Variants in ANO4 observed in about 807,000 individuals in gnomAD.
ANO4 encodes the protein anoctamin 4.
ANO4 carries 69 observed loss-of-function variants against 141.9 expected under a neutral mutation model. The ratio of observed to expected loss-of-function variants is 0.49; its 90% CI spans 0.40 to 0.59. The LOEUF (loss-of-function observed/expected upper bound fraction) is 0.59. Among genes scored for constraint, ANO4 ranks in the 20% least tolerant of loss-of-function variants. ANO4 has a pLI of 0.00. For missense variants in ANO4, 894 were observed against 1,162.2 expected (o/e 0.77, Z 3.36); for synonymous variants, 350 against 394.3 (o/e 0.89, Z 1.33).
intron 1 of ANO4, among the ~76,000 whole-genome samples, chr12:100,886,147 G>A (rs532512340): frequency 7.2e-5 from 11 of 151,924 alleles, no homozygotes; most frequent in South Asian, 2.1e-4. Context: ...TTCTATGACC[G>A]TTACCCTGAT....
chr12:100,872,242 C>CTTCCCT (rs1244904288), intron 1 of ANO4, among the ~76,000 whole-genome samples: 1 of 152,140 alleles, frequency 6.6e-6, no homozygotes, highest in African/African-American at 2.4e-5. Flanking sequence ...TTCCCTTCAG[C>CTTCCCT]TTCCCTTTCC....
intron 14 of ANO4, 45 bp from the exon 15 acceptor site, chr12:101,079,148 T>G (rs895144496): frequency 1.3e-6 from 2 of 1,544,802 alleles, no homozygotes; most frequent in African/African-American, 2.7e-5. Context: ...GAGCCTTGTT[T>G]TACTTTTATT....
chr12:101,084,036 G>A (rs2049387343), intron 16 of ANO4, among the ~76,000 whole-genome samples: 1 of 152,204 alleles, frequency 6.6e-6, no homozygotes, highest in Admixed American at 6.5e-5. Flanking sequence ...CTTGCCCGAG[G>A]TCAGCCAGTA....
At chr12:100,777,680 G>A (rs895220032) in intron 3 of ANO4, among the ~76,000 whole-genome samples, 9 of 151,890 alleles carry the variant, frequency 5.9e-5, no homozygotes, top group Non-Finnish European at 1.3e-4. Flanking sequence ...ATTATTGCTT[G>A]GAATTCAGAT....
At chr12:100,778,569 G>T (rs946826435) in intron 3 of ANO4, among the ~76,000 whole-genome samples, 3 of 152,122 alleles carry the variant, frequency 2.0e-5, no homozygotes, top group African/African-American at 7.2e-5. Flanking sequence ...GCTGCTGGAG[G>T]TTGTATGGGG....
intron 2 of ANO4, 35 bp from the exon 3 acceptor site, chr12:100,922,191 A>G: frequency 6.9e-7 from 1 of 1,449,240 alleles, no homozygotes; most frequent in Non-Finnish European, 9.2e-7. Flanking sequence ...TCTGATAACC[A>G]GTGCAAACTC....
At chr12:100,751,910 G>T (rs952141080) in intron 3 of ANO4, among the ~76,000 whole-genome samples, 2 of 152,190 alleles carry the variant, frequency 1.3e-5, no homozygotes, top group African/African-American at 4.8e-5. Context: ...TCTCAAGGAT[G>T]TGTTGGAGCT....
intron 1 of ANO4, among the ~76,000 whole-genome samples, chr12:100,876,415 G>T (rs1330751584): frequency 3.3e-5 from 5 of 152,162 alleles, no homozygotes; most frequent in Non-Finnish European, 7.4e-5. Flanking sequence ...GCTGCCTATG[G>T]CCACAGTTTC....
At chr12:101,043,074 T>A (rs934843760) in intron 12 of ANO4, among the ~76,000 whole-genome samples, 1 of 152,272 alleles carries the variant, frequency 6.6e-6, no homozygotes, top group Non-Finnish European at 1.5e-5. Flanking sequence ...GGTGAAATTG[T>A]TAATGTGTTA....
intron 14 of ANO4, among the ~76,000 whole-genome samples, chr12:101,054,645 G>A (rs539313811): frequency 7.9e-5 from 12 of 152,194 alleles, no homozygotes; most frequent in Non-Finnish European, 1.5e-4. Flanking sequence ...GATTACAGGC[G>A]CCCGCCACCA....
intron 2 of ANO4, among the ~76,000 whole-genome samples, chr12:100,908,667 C>T (rs1213155348): frequency 6.6e-6 from 1 of 152,142 alleles, no homozygotes; most frequent in African/African-American, 2.4e-5. Context: ...AGCTCTCAAA[C>T]TGAGTTTCTT....
chr12:100,740,239 C>T, intron 3 of ANO4: 1 of 611,956 alleles, frequency 1.6e-6, no homozygotes, highest in Non-Finnish European at 3.0e-6. Flanking sequence ...CCTCTATGTT[C>T]ATACTGGCTT....
intron 8 of ANO4, among the ~76,000 whole-genome samples, chr12:101,012,264 C>T (rs937751852): frequency 2.0e-5 from 3 of 151,976 alleles, no homozygotes; most frequent in African/African-American, 7.3e-5. Context: ...GGGCAGACAA[C>T]AAAAATGTAG....
At chr12:100,741,493 G>T (rs2031863594) in intron 3 of ANO4, among the ~76,000 whole-genome samples, 1 of 152,126 alleles carries the variant, frequency 6.6e-6, no homozygotes, top group Admixed American at 6.5e-5. Context: ...TCTGCATTTG[G>T]CAGGCTTTTC....
At chr12:100,905,703 C>A (rs1034441574) in intron 2 of ANO4, among the ~76,000 whole-genome samples, 3 of 152,128 alleles carry the variant, frequency 2.0e-5, no homozygotes, top group African/African-American at 7.2e-5. Context: ...AATAGGGCAG[C>A]AGCTGGAGGA....
At chr12:100,860,411 C>A (rs1213423273) in intron 1 of ANO4, among the ~76,000 whole-genome samples, 1 of 152,128 alleles carries the variant, frequency 6.6e-6, no homozygotes, top group Non-Finnish European at 1.5e-5. Context: ...TCTCCTTGGT[C>A]CAGTGAAAGC....
chr12:101,080,660 C>CT (rs1362217729), intron 15 of ANO4, among the ~76,000 whole-genome samples: 6 of 151,442 alleles, frequency 4.0e-5, no homozygotes, highest in Non-Finnish European at 8.8e-5. Context: ...AACCCCATCA[C>CT]TACTAAAAAC....
At chr12:100,962,854 C>G (rs887467935) in intron 5 of ANO4, among the ~76,000 whole-genome samples, 4 of 152,060 alleles carry the variant, frequency 2.6e-5, no homozygotes, top group African/African-American at 9.7e-5. Flanking sequence ...GAGGCTGTTG[C>G]AGTATTCAAG....
intron 9 of ANO4, among the ~76,000 whole-genome samples, chr12:101,030,844 A>G (rs1048003869): frequency 4.6e-5 from 7 of 152,248 alleles, no homozygotes; most frequent in African/African-American, 1.7e-4. Flanking sequence ...GAAGAAATGG[A>G]TAAATTCCTG....
Sources: allele counts gnomAD v4.1 joint callset (sites outside exome capture counted in the v4.1 genomes callset), GRCh38; gene constraint gnomAD v4.1.1; transcripts MANE v1.5; gene names NCBI Gene and HGNC (gene_info 2026-07-23, HGNC 2026-07-21).